DOP1A: variants seen among roughly 807,000 people sequenced by gnomAD.
DOP1A encodes the protein DOP1 leucine zipper like protein A.
Under a neutral mutation model 267.6 loss-of-function variants are expected in DOP1A, and 90 were observed. The observed-to-expected ratio is 0.34, with a 90% CI of 0.28 to 0.40. The LOEUF is 0.40. Among genes scored for constraint, DOP1A ranks in the 10% least tolerant of loss-of-function variants. The pLI, the probability that DOP1A is intolerant of heterozygous loss-of-function variation, is 1.00. For missense variants in DOP1A, 2,437 were observed against 2,900.4 expected, an observed-to-expected ratio of 0.84 and a Z score of 3.67; for synonymous variants, 932 against 999.1, an observed-to-expected ratio of 0.93 and a Z score of 1.27.
intron 1 of DOP1A, among the ~76,000 whole-genome samples, chr6:83,074,400 T>G (rs1431195950): frequency 2.6e-5 from 4 of 152,180 alleles, no homozygotes; most frequent in African/African-American, 7.2e-5. Flanking sequence ...TCACCCTTTA[T>G]TACCATAAAT....
intron 10 of DOP1A, among the ~76,000 whole-genome samples, chr6:83,121,697 A>G (rs968231440): frequency 6.6e-6 from 1 of 151,740 alleles, no homozygotes; most frequent in Non-Finnish European, 1.5e-5. Context: ...GGCAAAACCA[A>G]TTTCTCTGAT....
Position 83,100,733 on chromosome 6 carries a change from T to C in DOP1A, c.167T>C (p.Val56Ala). 6.5e-7 allele frequency: 1 copy of C among 1,534,154 alleles called. No homozygotes were observed. Among genetic ancestry groups the C allele is most frequent in the Non-Finnish European group, 8.8e-7 (1 of 1,140,900 alleles). Residue 56 changes from valine to alanine, a missense_variant, in exon 4 of 39, where the codon GTA (valine) becomes GCA (alanine). By Grantham distance (64) the Val-to-Ala change is moderately conservative (BLOSUM62 0). This residue lies in a region of DOP1A where 251 missense variants were observed against 359.1 expected (regional missense o/e 0.70). Coordinates refer to ENST00000349129, the MANE Select transcript of DOP1A (RefSeq NM_015018.4). ...TTACAAAATAATGCAAAGTACCAAG[T>C]AGTACCCAAAAAGCTGACCATAGGC... ...KVLQNNAKYQ[V>A]VPKKLTIGKR...
chr6:83,095,925 TC>T (rs957629891), intron 1 of DOP1A, among the ~76,000 whole-genome samples: 1 of 151,736 alleles, frequency 6.6e-6, no homozygotes, highest in African/African-American at 2.4e-5. Context: ...GGCAGCTAGC[TC>T]CCCCCAGAAC....
chr6:83,124,079 C>T (rs904613304), intron 12 of DOP1A, among the ~76,000 whole-genome samples: 2 of 152,062 alleles, frequency 1.3e-5, no homozygotes, highest in Non-Finnish European at 2.9e-5. Flanking sequence ...CACACTGTCA[C>T]ATTGTTGCTT....
At chr6:83,106,666 CT>C (rs1382557683) in intron 4 of DOP1A, among the ~76,000 whole-genome samples, 1 of 151,946 alleles carries the variant, frequency 6.6e-6, no homozygotes. Context: ...AAAAATTAGC[CT>C]GGTGTGGTGG....
At chr6:83,166,817 GA>G (rs777881270) in intron 38 of DOP1A, 81 of 1,015,348 alleles carry the variant, frequency 8.0e-5, no homozygotes, top group Non-Finnish European at 9.2e-5. Flanking sequence ...GGTAAACAAT[GA>G]AAGTTTCTGA....
At chr6:83,133,604 T>C (rs1190406623) in intron 18 of DOP1A, among the ~76,000 whole-genome samples, 2 of 152,156 alleles carry the variant, frequency 1.3e-5, no homozygotes, top group Non-Finnish European at 2.9e-5. Context: ...TGCTTGCCTA[T>C]CTAAATAATT....
At chr6:83,115,343 A>G (rs1374254179) in intron 7 of DOP1A, among the ~76,000 whole-genome samples, 5 of 152,208 alleles carry the variant, frequency 3.3e-5, no homozygotes, top group African/African-American at 1.2e-4. Flanking sequence ...GAATCTGTAA[A>G]TGGAGCTAAT....
At chr6:83,102,444 G>A (rs1772761379) in intron 4 of DOP1A, among the ~76,000 whole-genome samples, 1 of 152,170 alleles carries the variant, frequency 6.6e-6, no homozygotes, top group South Asian at 2.1e-4. Context: ...CAACCTCATA[G>A]GGTGGTTAAT....
intron 34 of DOP1A, 49 bp from the exon 35 acceptor site, chr6:83,157,133 A>C: frequency 3.2e-6 from 5 of 1,582,512 alleles, no homozygotes; most frequent in Non-Finnish European, 4.3e-6. Context: ...AGAAAGTTTT[A>C]TGTGATAAAG....
In DOP1A at chr6:83,138,692, G is replaced by A; in HGVS notation, c.4650G>A (p.Lys1550=). The A allele has an allele frequency of 4.3e-6, 7 of 1,613,966 alleles. No homozygotes were observed. Among genetic ancestry groups the A allele is most frequent in the Non-Finnish European group, 5.9e-6 (7 of 1,179,944 alleles). The change falls in exon 21 of 39, where the codon AAG becomes AAA. Residue 1550 remains lysine (K), a synonymous_variant. Coordinates refer to ENST00000349129, the MANE Select transcript of DOP1A (RefSeq NM_015018.4). ...QKWHSEKMAG[K]NLVAVEEGFS... ...GGCATAGTGAAAAAATGGCAGGTAA[G>A]AACCTGGTTGCTGTGGAAGAAGGTT...
intron 1 of DOP1A, among the ~76,000 whole-genome samples, chr6:83,090,913 T>C (rs1770237719): frequency 6.6e-6 from 1 of 152,134 alleles, no homozygotes; most frequent in Non-Finnish European, 1.5e-5. Flanking sequence ...AACTAAATTT[T>C]TAGTCCTAGG....
At chr6:83,077,291 C>T (rs1314504551) in intron 1 of DOP1A, among the ~76,000 whole-genome samples, 1 of 151,964 alleles carries the variant, frequency 6.6e-6, no homozygotes, top group Admixed American at 6.6e-5. Flanking sequence ...TGCTTGAGCC[C>T]AGTTGTTCAA....
At chr6:83,083,894 T>C (rs1372415248) in intron 1 of DOP1A, among the ~76,000 whole-genome samples, 1 of 152,240 alleles carries the variant, frequency 6.6e-6, no homozygotes, top group Non-Finnish European at 1.5e-5. Flanking sequence ...ATTTTCATAT[T>C]GCTATGTGTA....
chr6:83,146,403 A>G (rs1232625649), intron 25 of DOP1A, among the ~76,000 whole-genome samples: 1 of 152,186 alleles, frequency 6.6e-6, no homozygotes, highest in East Asian at 1.9e-4. Context: ...TGTGTTTCCA[A>G]AGGGAGTAAG....
chr6:83,111,710 T>C (rs1346016810), intron 6 of DOP1A, among the ~76,000 whole-genome samples: 1 of 152,178 alleles, frequency 6.6e-6, no homozygotes, highest in African/African-American at 2.4e-5. Flanking sequence ...ATCTTAAAAA[T>C]TAGATTATTT....
chr6:83,170,445 C>T, downstream of DOP1A: 1 of 1,614,158 alleles, frequency 6.2e-7, no homozygotes, highest in Non-Finnish European at 8.5e-7. Context: ...TGTCTTTCAG[C>T]ATCGGTAGTG....
chr6:83,144,110 C>T (rs1780088207), intron 24 of DOP1A, among the ~76,000 whole-genome samples: 1 of 152,148 alleles, frequency 6.6e-6, no homozygotes, highest in Admixed American at 6.5e-5. Flanking sequence ...TCAACAACAA[C>T]AACAACAAGG....
chr6:83,153,401 A>AT, intron 30 of DOP1A, 110 bp from the exon 31 acceptor site: 1 of 596,174 alleles, frequency 1.7e-6, no homozygotes, highest in Non-Finnish European at 2.7e-6. Context: ...TTAATTTTAG[A>AT]TTTTTCTAAT....
Sources: allele counts gnomAD v4.1 joint callset (sites outside exome capture counted in the v4.1 genomes callset), GRCh38; gene constraint gnomAD v4.1.1; regional missense constraint gnomAD v4.1.1; transcripts MANE v1.5; gene names NCBI Gene and HGNC (gene_info 2026-07-23, HGNC 2026-07-21).